Variants in OR2Z1 observed in about 807,000 individuals in gnomAD.
OR2Z1 encodes the protein olfactory receptor 2Z1.
For missense variants in OR2Z1, 449 were observed against 401.8 expected (o/e 1.12, Z -1.00); for synonymous variants, 188 against 160.6 (o/e 1.17, Z -1.29).
In OR2Z1 at chr19:8,731,323, G is replaced by C; in HGVS notation, c.295G>C (p.Ala99Pro). The part of the protein sequence containing the change: ...EGATSYGGGA[A>P]QIFFLTLMGV... The stretch of plus-strand genomic sequence containing the variant: ...TGCCACCTCCTATGGAGGTGGTGCA[G>C]CTCAAATATTCTTCCTCACACTGAT... Residue 99 changes from alanine to proline, a missense_variant, in exon 3 of 3, where the codon GCT becomes CCT. Transcript: ENST00000641125. 6.2e-7 allele frequency: 1 copy of C among 1,614,134 alleles called. No individual in the cohort carries two copies. The highest frequency in any genetic ancestry group is 8.5e-7 in the Non-Finnish European group (1 of 1,180,030).
chr19:8,729,076 G>T, intron 2 of OR2Z1: 1 of 1,168,784 alleles, frequency 8.6e-7, no homozygotes, highest in Non-Finnish European at 1.3e-6. Context: ...TGGAAGGTGG[G>T]TGACATGTGG....
chr19:8,731,668 A>T lies in OR2Z1; in HGVS notation c.640A>T (p.Ile214Phe), dbSNP rs782146683. The change falls in exon 3 of 3, where the codon ATC (isoleucine) becomes TTC (phenylalanine). Residue 214 changes from isoleucine (I) to phenylalanine (F), a missense_variant. Ile to Phe is a conservative substitution (Grantham distance 21). Coordinates refer to ENST00000641125, the MANE Select transcript of OR2Z1 (RefSeq NM_001004699.3). ...VLILMLPLSL[I>F]ATSYGHVLQA... ...GATCCTAATGCTCCCTCTTTCCCTC[A>T]TCGCCACCTCCTACGGCCACGTGTT... 2 of 1,613,398 alleles carry T rather than the reference A, an allele frequency of 1.2e-6. No individual in the cohort carries two copies. Among genetic ancestry groups the T allele is most frequent in the Non-Finnish European group, 1.7e-6 (2 of 1,179,934 alleles).
At chr19:8,723,968 TTGTGTGTGTG>T (rs55655760) in intron 2 of OR2Z1, among the ~76,000 whole-genome samples, 17,712 of 132,850 alleles carry the variant, frequency 0.13, 1,216 homozygotes, top group East Asian at 0.27. Context: ...GGGAGTCTGT[TTGTGTGTGTG>T]TGTGTGTGTG....
intron 2 of OR2Z1, 150 bp from the exon 3 acceptor site, chr19:8,730,710 G>A (rs922986101): frequency 5.9e-5 from 20 of 339,010 alleles, no homozygotes; most frequent in Non-Finnish European, 9.8e-5. Flanking sequence ...GAGGCACCAC[G>A]TCCAGCCGAA....
At position 8,731,312 on chromosome 19, in the gene OR2Z1, G is replaced by C. The variant is rs1416133198; in HGVS notation, c.284G>C (p.Gly95Ala). Residue 95 changes from glycine to alanine, a missense_variant, in exon 3 of 3, where the codon GGA becomes GCA. Gly to Ala is a moderately conservative substitution (Grantham distance 60). Transcript: ENST00000641125. ...CGGGGAGAAGGTGCCACCTCCTATG[G>C]AGGTGGTGCAGCTCAAATATTCTTC... Reference protein sequence around the residue: ...FLRGEGATSYGGGAAQIFFLT... With the variant: ...FLRGEGATSYAGGAAQIFFLT... The C allele has an allele frequency of 2.5e-6, 4 of 1,614,046 alleles. No individual in the cohort carries two copies. Among genetic ancestry groups the C allele is most frequent in the Non-Finnish European group, 3.4e-6 (4 of 1,180,034 alleles).
Position 8,731,650 on chromosome 19 carries a change from A to T in OR2Z1, c.622A>T (p.Met208Leu). 6.2e-7 allele frequency: 1 copy of T among 1,613,584 alleles called. No individual in the cohort carries two copies. The highest frequency in any genetic ancestry group is 1.3e-5 in the African/African-American group (1 of 74,848). ...ALSTSGVLIL[M>L]LPLSLIATSY... The stretch of plus-strand genomic sequence containing the variant: ...GTCCACCTCAGGGGTGCTGATCCTA[A>T]TGCTCCCTCTTTCCCTCATCGCCAC... The change falls in exon 3 of 3, where the codon ATG (methionine) becomes TTG (leucine). Residue 208 changes from methionine (M) to leucine (L), a missense_variant. Transcript: ENST00000641125.
chr19:8,731,012 A>T lies in OR2Z1; in HGVS notation c.-17A>T. 6.2e-7 allele frequency: 1 copy of T among 1,604,732 alleles called. No homozygotes were observed. The highest frequency in any genetic ancestry group is 8.5e-7 in the Non-Finnish European group (1 of 1,172,590). On this transcript the variant is annotated 5_prime_UTR_variant, in exon 3 of 3. The change creates a new upstream start codon in the 5' untranslated region. Transcript: ENST00000641125. ...GTTCAGCTGTTCTTCCTGCAGCTAAAGTGCATTGTGTAAAACATGGGGGAT... is the reference window on the plus strand; with the variant it reads ...GTTCAGCTGTTCTTCCTGCAGCTAATGTGCATTGTGTAAAACATGGGGGAT...
At position 8,730,861 on chromosome 19, in the gene OR2Z1, C is replaced by T. The variant is rs2043349439; in HGVS notation, c.-168C>T. 1.6e-6 allele frequency: 1 copy of T among 613,988 alleles called. No individual in the cohort carries two copies. Among genetic ancestry groups the T allele is most frequent in the South Asian group, 2.0e-5 (1 of 50,182 alleles). 38.0% of individuals were successfully genotyped at this position (613,988 alleles called of 1,614,324 possible). ...ACTGATTAAGTTTTCTCCCTCCAGC[C>T]TACTGATTCTAGCTGCAGCCTCATT... is the stretch of plus-strand genomic sequence containing the variant. On this transcript the variant is annotated splice_region_variant and 5_prime_UTR_variant, in exon 3 of 3. Coordinates refer to ENST00000641125, the MANE Select transcript of OR2Z1 (RefSeq NM_001004699.3).
intron 2 of OR2Z1, chr19:8,728,614 A>G (rs2043337484): frequency 2.4e-6 from 1 of 425,124 alleles, no homozygotes; most frequent in South Asian, 1.9e-5. Context: ...ATATTGCATG[A>G]TGCTGATTTG....
chr19:8,725,523 G>A (rs147009340), intron 2 of OR2Z1, among the ~76,000 whole-genome samples: 5 of 152,274 alleles, frequency 3.3e-5, no homozygotes, highest in East Asian at 3.9e-4. Flanking sequence ...GATTACAGGC[G>A]TGAGCCACTA....
intron 2 of OR2Z1, among the ~76,000 whole-genome samples, chr19:8,724,625 T>A (rs2043320635): frequency 1.3e-5 from 2 of 152,158 alleles, no homozygotes; most frequent in South Asian, 4.1e-4. Flanking sequence ...TCACTTCTCT[T>A]CCCAAAAACT....
intron 2 of OR2Z1, among the ~76,000 whole-genome samples, chr19:8,726,173 A>G (rs1248544307): frequency 7.2e-5 from 11 of 151,986 alleles, no homozygotes; most frequent in African/African-American, 1.7e-4. Context: ...CACCGTGTTG[A>G]CCAGGCTGGT....
chr19:8,725,555 A>T (rs2043323969), intron 2 of OR2Z1, among the ~76,000 whole-genome samples: 1 of 152,114 alleles, frequency 6.6e-6, no homozygotes, highest in Admixed American at 6.6e-5. Flanking sequence ...ACTCCCATAC[A>T]TCTTTGATTG....
intron 1 of OR2Z1, among the ~76,000 whole-genome samples, chr19:8,722,442 G>C (rs1013046452): frequency 6.6e-6 from 1 of 152,162 alleles, no homozygotes; most frequent in African/African-American, 2.4e-5. Context: ...CCTTTCTTCT[G>C]GTCACTCAGT....
intron 1 of OR2Z1, 128 bp downstream of exon 1, chr19:8,722,170 G>A (rs1421042009): frequency 1.3e-5 from 2 of 151,854 alleles, no homozygotes; most frequent in Non-Finnish European, 2.9e-5. Flanking sequence ...TCCTTGAGAT[G>A]TGAGAATGTG....
intron 2 of OR2Z1, chr19:8,728,965 G>C (rs970258151): frequency 1.5e-6 from 1 of 686,136 alleles, no homozygotes. Flanking sequence ...TCAGTGGTCA[G>C]CGGCAACGTG....
chr19:8,731,602 A>T lies in OR2Z1; in HGVS notation c.574A>T (p.Thr192Ser), dbSNP rs148162899. The change falls in exon 3 of 3, where the codon ACC becomes TCC. Residue 192 changes from threonine (T) to serine (S), a missense_variant. Coordinates refer to ENST00000641125, the MANE Select transcript of OR2Z1 (RefSeq NM_001004699.3). Reference protein sequence around the residue: ...PALLKLSCADTCAYEMALSTS... With the variant: ...PALLKLSCADSCAYEMALSTS... ...CCTACTGAAGCTCTCCTGTGCAGAT[A>T]CCTGTGCCTACGAGATGGCGCTGTC... The T allele has an allele frequency of 1.2e-4, 199 of 1,613,010 alleles. 1 individual carries two copies. The African/African-American group carries it at 1.9e-3, about 15-fold the overall frequency.
chr19:8,729,058 T>A, intron 2 of OR2Z1: 1 of 1,112,146 alleles, frequency 9.0e-7, no homozygotes, highest in Non-Finnish European at 1.3e-6. Context: ...CACAGTGTCT[T>A]GGGCTGCTGG....
rs544299934 is a variant in OR2Z1 at position 8,731,338 on chromosome 19, C to T, written c.310C>T (p.Leu104Phe). The change falls in exon 3 of 3, where the codon CTC becomes TTC. Residue 104 changes from leucine to phenylalanine, a missense_variant. By Grantham distance (22) the Leu-to-Phe change is conservative. Transcript: ENST00000641125. ...AGGTGGTGCAGCTCAAATATTCTTC[C>T]TCACACTGATGGGTGTGGCTGAGGG... ...YGGGAAQIFF[L>F]TLMGVAEGVL... 6.2e-7 allele frequency: 1 copy of T among 1,614,116 alleles called. No homozygotes were observed. Among genetic ancestry groups the T allele is most frequent in the African/African-American group, 1.3e-5 (1 of 75,046 alleles).
Sources: allele counts gnomAD v4.1 joint callset (sites outside exome capture counted in the v4.1 genomes callset), GRCh38; gene constraint gnomAD v4.1.1; transcripts MANE v1.5; gene names NCBI Gene and HGNC (gene_info 2026-07-23, HGNC 2026-07-21).